The following PIK3R4 variants were observed in gnomAD, a reference collection of about 807,000 sequenced individuals.
PIK3R4 encodes the protein phosphoinositide 3-kinase regulatory subunit 4.
Under a neutral mutation model 136.5 loss-of-function variants are expected in PIK3R4, and 46 were observed. The observed-to-expected ratio is 0.34, with a 90% CI of 0.27 to 0.43. The LOEUF is 0.43. Among genes scored for constraint, PIK3R4 ranks in the 20% least tolerant of loss-of-function variants. PIK3R4 has a pLI of 1.00. For synonymous variants in PIK3R4, 557 were observed against 566.7 expected, an observed-to-expected ratio of 0.98 and a Z score of 0.24; for missense variants, 1,331 against 1,649.5, an observed-to-expected ratio of 0.81 and a Z score of 3.35.
intron 6 of PIK3R4, chr3:130,723,916 A>G (rs1462505805): frequency 5.5e-6 from 1 of 180,426 alleles, no homozygotes; most frequent in Non-Finnish European, 1.1e-5. Context: ...CAAGCAAGGC[A>G]TTAAAAGTTA....
Position 130,708,449 on chromosome 3 carries a change from T to C in PIK3R4, c.2375A>G (p.Asp792Gly), listed in dbSNP as rs768998132. The C allele has an allele frequency of 3.7e-6, 6 of 1,613,346 alleles. No homozygotes were observed. The highest frequency in any genetic ancestry group is 8.5e-7 in the Non-Finnish European group (1 of 1,179,484). The change falls in exon 10 of 20, where the codon GAC (aspartate) becomes GGC (glycine). Residue 792 changes from aspartate (D) to glycine (G), a missense_variant. Transcript: ENST00000356763. ...EEEDKLLALK[D>G]FMMKSNKAKA... is the part of the protein sequence containing the mutation. Reference sequence around the variant, plus strand: ...TGCTTTATTAGATTTCATCATGAAGTCTTTCAGTGCCAGAAGTTTGTCTTC... The same window carrying C: ...TGCTTTATTAGATTTCATCATGAAGCCTTTCAGTGCCAGAAGTTTGTCTTC...
chr3:130,739,037 T>C (rs1461048371), intron 2 of PIK3R4, among the ~76,000 whole-genome samples: 2 of 152,124 alleles, frequency 1.3e-5, no homozygotes, highest in Admixed American at 6.5e-5. Flanking sequence ...ACCGTGGTAA[T>C]GGGCAGGATA....
chr3:130,732,820 C>A (rs2107619306), intron 4 of PIK3R4, among the ~76,000 whole-genome samples: 2 of 150,924 alleles, frequency 1.3e-5, no homozygotes. Context: ...AATATCATTA[C>A]CACACACGTA....
At position 130,703,710 on chromosome 3, in the gene PIK3R4, G is replaced by C; in HGVS notation, c.3098+13C>G. 6.3e-7 allele frequency: 1 copy of C among 1,585,924 alleles called. No homozygotes were observed. Among genetic ancestry groups the C allele is most frequent in the Admixed American group, 1.7e-5 (1 of 59,630 alleles). On this transcript the variant is annotated intron_variant, in intron 13 of 19. Coordinates refer to ENST00000356763, the MANE Select transcript of PIK3R4 (RefSeq NM_014602.3). ...TGAATTAATGAACTGATTCATTCCTGAGCATATGGTACCTGGTAGTGGTGG... is the reference window on the plus strand; with the variant it reads ...TGAATTAATGAACTGATTCATTCCTCAGCATATGGTACCTGGTAGTGGTGG...
chr3:130,707,127 G>A lies in PIK3R4; in HGVS notation c.2542C>T (p.His848Tyr). ...TTTACATTTGAGTCTTGTTTTACAT[G>A]TTTTCTGGCTATGAAAATATATTCA... Reference protein sequence around the residue: ...QEPDDKRARKHVKQDSNVNEE... With the variant: ...QEPDDKRARKYVKQDSNVNEE... Residue 848 changes from histidine to tyrosine, a missense_variant, in exon 11 of 20, where the codon CAT becomes TAT. Coordinates refer to ENST00000356763, the MANE Select transcript of PIK3R4 (RefSeq NM_014602.3). The A allele has an allele frequency of 6.2e-7, 1 of 1,600,220 alleles. No homozygotes were observed. The highest frequency in any genetic ancestry group is 8.5e-7 in the Non-Finnish European group (1 of 1,173,972).
intron 9 of PIK3R4, among the ~76,000 whole-genome samples, chr3:130,712,497 C>T (rs925884160): frequency 1.3e-5 from 2 of 151,872 alleles, no homozygotes; most frequent in Admixed American, 6.6e-5. Context: ...GGAGAAACCC[C>T]GTCTCTACTA....
chr3:130,734,690 A>T (rs779543923), intron 3 of PIK3R4, among the ~76,000 whole-genome samples: 3 of 152,158 alleles, frequency 2.0e-5, no homozygotes, highest in Non-Finnish European at 2.9e-5. Context: ...AAGAGATGTT[A>T]AATTCTGCAA....
intron 13 of PIK3R4, among the ~76,000 whole-genome samples, chr3:130,701,654 A>C (rs1175025544): frequency 1.3e-5 from 2 of 152,200 alleles, no homozygotes; most frequent in South Asian, 2.1e-4. Context: ...AGAGGGATTC[A>C]GGATACAGTG....
intron 19 of PIK3R4, 54 bp downstream of exon 19, chr3:130,680,559 C>T: frequency 2.2e-6 from 2 of 928,284 alleles, no homozygotes; most frequent in African/African-American, 3.3e-5. Context: ...ATTCTGTTTA[C>T]AAAAGCCATG....
At chr3:130,714,671 C>A (rs906445045) in intron 9 of PIK3R4, among the ~76,000 whole-genome samples, 1 of 147,118 alleles carries the variant, frequency 6.8e-6, no homozygotes, top group Non-Finnish European at 1.5e-5. Flanking sequence ...TCTCACTGTT[C>A]GGCTCCCACT....
intron 9 of PIK3R4, among the ~76,000 whole-genome samples, chr3:130,714,930 T>C (rs537188667): frequency 2.6e-5 from 4 of 152,254 alleles, no homozygotes; most frequent in African/African-American, 9.6e-5. Context: ...GTCTTTATAG[T>C]AGAATGATTT....
intron 14 of PIK3R4, among the ~76,000 whole-genome samples, chr3:130,688,705 A>G (rs189482408): frequency 2.0e-5 from 3 of 152,302 alleles, no homozygotes; most frequent in South Asian, 2.1e-4. Context: ...AAAGAACATC[A>G]TAAAACATTG....
chr3:130,683,105 A>T (rs1434059849), intron 16 of PIK3R4, among the ~76,000 whole-genome samples: 1 of 152,206 alleles, frequency 6.6e-6, no homozygotes, highest in Non-Finnish European at 1.5e-5. Flanking sequence ...TGAGAAAAAG[A>T]GCAGTCGAGG....
intron 2 of PIK3R4, among the ~76,000 whole-genome samples, chr3:130,739,637 GC>G (rs2066809224): frequency 6.6e-6 from 1 of 152,102 alleles, no homozygotes; most frequent in African/African-American, 2.4e-5. Flanking sequence ...CTCCCAAAGT[GC>G]TGGGATTACA....
At chr3:130,690,039 C>T (rs2066507967) in intron 14 of PIK3R4, among the ~76,000 whole-genome samples, 1 of 152,194 alleles carries the variant, frequency 6.6e-6, no homozygotes, top group African/African-American at 2.4e-5. Context: ...TTCTCCATGT[C>T]CCCATCAACT....
intron 14 of PIK3R4, among the ~76,000 whole-genome samples, chr3:130,688,132 A>G (rs906716629): frequency 1.3e-5 from 2 of 152,106 alleles, no homozygotes; most frequent in African/African-American, 4.8e-5. Flanking sequence ...ATAATCTCCA[A>G]CTCCTATCTA....
intron 9 of PIK3R4, among the ~76,000 whole-genome samples, chr3:130,709,918 C>G (rs535803499): frequency 6.6e-6 from 1 of 152,086 alleles, no homozygotes; most frequent in South Asian, 2.1e-4. Context: ...TTCAGGGTGA[C>G]GAAAATGTTC....
intron 9 of PIK3R4, among the ~76,000 whole-genome samples, chr3:130,715,992 C>A (rs557592393): frequency 2.6e-5 from 4 of 152,114 alleles, no homozygotes; most frequent in African/African-American, 4.8e-5. Context: ...AAATTTGGAT[C>A]GAAATGAACC....
chr3:130,733,798 T>C lies in PIK3R4; in HGVS notation c.1200A>G (p.Glu400=), dbSNP rs1346457437. Residue 400 remains glutamate (E), a synonymous_variant, in exon 4 of 20, where the codon GAA becomes GAG. Transcript: ENST00000356763. ...ATCTTGGAGCCAAATGAAGAATCAGTTCCAAAGCAGCTAGTTTGGAATCAC... is the reference window on the plus strand; with the variant it reads ...ATCTTGGAGCCAAATGAAGAATCAGCTCCAAAGCAGCTAGTTTGGAATCAC... ...KYCDSKLAAL[E]LILHLAPRLS... is the part of the protein sequence containing the mutation. 1 of 1,614,106 alleles carries C rather than the reference T, an allele frequency of 6.2e-7. No individual in the cohort carries two copies.
Sources: gnomAD v4.1 joint callset for allele counts (sites outside exome capture counted in the v4.1 genomes callset) on GRCh38, gnomAD v4.1.1 for gene constraint, MANE v1.5 for transcripts, NCBI Gene and HGNC (gene_info 2026-07-23, HGNC 2026-07-21) for gene names.